The following ABCA13 variants were observed in gnomAD, a reference collection of about 807,000 sequenced individuals.
ABCA13 encodes ATP-binding cassette sub-family A member 13.
A neutral mutation model predicts 478.7 loss-of-function variants in ABCA13; 476 were observed. The observed-to-expected ratio is 0.99, with a 90% confidence interval of 0.92 to 1.07. The LOEUF (loss-of-function observed/expected upper bound fraction) is 1.07. Among genes scored for constraint, ABCA13 ranks in the 50% least tolerant of loss-of-function variants. The probability of loss-of-function intolerance (pLI) is 0.00; values close to 1 mark genes in which losing one functional copy is unlikely to be tolerated. For synonymous variants in ABCA13, 2,252 were observed against 2,158.9 expected, an observed-to-expected ratio of 1.04 and a Z score of -1.20; for missense variants, 6,060 against 5,910.6, an observed-to-expected ratio of 1.03 and a Z score of -0.83.
chr7:48,563,794 T>TTC (rs1786710787), intron 55 of ABCA13, among the ~76,000 whole-genome samples: 1 of 101,638 alleles, frequency 9.8e-6, no homozygotes, highest in African/African-American at 6.7e-5. Flanking sequence ...TGTTTACTGC[T>TTC]TGTGTGTGTG....
chr7:48,483,269 A>G, intron 47 of ABCA13, 106 bp downstream of exon 47: 1 of 968,998 alleles, frequency 1.0e-6, no homozygotes, highest in Non-Finnish European at 1.5e-6. Context: ...GATTAAATCC[A>G]ATCATTTGTT....
At chr7:48,320,866 C>G (rs1460160191) in intron 27 of ABCA13, among the ~76,000 whole-genome samples, 1 of 152,222 alleles carries the variant, frequency 6.6e-6, no homozygotes, top group Non-Finnish European at 1.5e-5. Context: ...TTTGAACTGT[C>G]ACACTCAGTG....
At chr7:48,565,939 C>G (rs1787011142) in intron 55 of ABCA13, among the ~76,000 whole-genome samples, 1 of 152,128 alleles carries the variant, frequency 6.6e-6, no homozygotes, top group Admixed American at 6.6e-5. Flanking sequence ...GATCCAGTCA[C>G]TTGATGAAAG....
chr7:48,519,344 G>A (rs961861497), intron 52 of ABCA13, among the ~76,000 whole-genome samples: 6 of 152,130 alleles, frequency 3.9e-5, no homozygotes, highest in South Asian at 2.1e-4. Flanking sequence ...GGGTCAAATC[G>A]TATTTCTGGT....
chr7:48,578,639 G>A (rs1280129803), intron 55 of ABCA13, among the ~76,000 whole-genome samples: 10 of 152,124 alleles, frequency 6.6e-5, no homozygotes, highest in Non-Finnish European at 2.9e-5. Context: ...CAACCTGAAT[G>A]TTAGGTTTAA....
rs770327277 is a variant in ABCA13, at chr7:48,272,862, AAACAG to A, written c.3197_3201del (p.Lys1066ThrfsTer5). 2 of 1,607,774 alleles carry A rather than the reference AAACAG, an allele frequency of 1.2e-6. No homozygotes were observed. On this transcript the variant is annotated frameshift_variant, in exon 17 of 62. Coordinates refer to ENST00000435803, the MANE Select transcript of ABCA13 (RefSeq NM_152701.5). LOFTEE classifies it high-confidence loss of function. Reference sequence around the variant, plus strand: ...GATCCACACTACTTTGACAGGCCTCAAACAGCTGCTCATAATTGATGAAGATTTTC... The same window carrying A: ...GATCCACACTACTTTGACAGGCCTCACTGCTCATAATTGATGAAGATTTTC...
chr7:48,530,038 A>G (rs1485208104), intron 55 of ABCA13, among the ~76,000 whole-genome samples: 2 of 152,002 alleles, frequency 1.3e-5, no homozygotes, highest in African/African-American at 4.8e-5. Flanking sequence ...ACAGTACCTA[A>G]TTGTGTAGTC....
At chr7:48,414,164 CT>C (rs1429323210) in intron 41 of ABCA13, among the ~76,000 whole-genome samples, 68 of 152,224 alleles carry the variant, frequency 4.5e-4, no homozygotes, top group Non-Finnish European at 8.4e-4. Context: ...TACATCTTTT[CT>C]TGTCTGGCTG....
chr7:48,225,883 GA>G (rs954758861), intron 5 of ABCA13, among the ~76,000 whole-genome samples: 2 of 152,068 alleles, frequency 1.3e-5, no homozygotes, highest in Non-Finnish European at 2.9e-5. Context: ...TTTGGCTGGG[GA>G]TAGATTTTTT....
In ABCA13 at chr7:48,412,448, T is replaced by C; in HGVS notation, c.12324T>C (p.Ser4108=). ...YIPQAFLKDS[S]GSELTYTIPK... ...CACAAGCATTTCTCAAAGACAGCAGTGGAAGTGAGCTGACCTACACCATTC... is the reference window on the plus strand; with the variant it reads ...CACAAGCATTTCTCAAAGACAGCAGCGGAAGTGAGCTGACCTACACCATTC... The change falls in exon 41 of 62, where the codon AGT becomes AGC. Residue 4108 remains serine, a synonymous_variant. Transcript: ENST00000435803. 6.2e-7 allele frequency: 1 copy of C among 1,613,106 alleles called. No individual in the cohort carries two copies. Among genetic ancestry groups the C allele is most frequent in the Non-Finnish European group, 8.5e-7 (1 of 1,179,718 alleles).
chr7:48,489,401 A>G (rs761437230), intron 48 of ABCA13, 57 bp downstream of exon 48: 12 of 1,411,518 alleles, frequency 8.5e-6, no homozygotes, highest in Non-Finnish European at 1.2e-5. Flanking sequence ...ATGTTTTTAA[A>G]AGTGAAAGAA....
At chr7:48,207,815 C>A (rs1785121376) in intron 3 of ABCA13, among the ~76,000 whole-genome samples, 1 of 152,028 alleles carries the variant, frequency 6.6e-6, no homozygotes, top group African/African-American at 2.4e-5. Context: ...TGATGTGATC[C>A]ATTTGTCCAT....
chr7:48,461,800 G>A (rs1450486598), intron 43 of ABCA13, among the ~76,000 whole-genome samples: 1 of 152,166 alleles, frequency 6.6e-6, no homozygotes, highest in African/African-American at 2.4e-5. Flanking sequence ...CAGATGTTGG[G>A]TGAACTCCTC....
intron 45 of ABCA13, among the ~76,000 whole-genome samples, chr7:48,474,393 A>G (rs1015580039): frequency 6.6e-6 from 1 of 152,178 alleles, no homozygotes; most frequent in Admixed American, 6.5e-5. Flanking sequence ...CTCTAATTAG[A>G]TGATTAGATG....
chr7:48,298,605 G>A (rs1562997083), intron 23 of ABCA13, 118 bp downstream of exon 23: 2 of 1,212,190 alleles, frequency 1.6e-6, no homozygotes, highest in Admixed American at 3.1e-5. Context: ...CTAGTGTAGT[G>A]GGTTGCTGCA....
intron 23 of ABCA13, among the ~76,000 whole-genome samples, chr7:48,302,199 A>C (rs987618232): frequency 1.1e-4 from 17 of 152,214 alleles, no homozygotes; most frequent in African/African-American, 4.1e-4. Flanking sequence ...AGTTCTAAGA[A>C]AATTACTGCT....
chr7:48,372,528 A>AC lies in ABCA13; in HGVS notation c.11133+31_11133+32insC, dbSNP rs769819435. The AC allele has an allele frequency of 2.5e-5, 37 of 1,495,102 alleles. No homozygotes were observed. In the African/African-American group the frequency reaches 4.8e-4, roughly 19 times the overall value. The allele number at this position is 1,495,102 out of a possible 1,614,324, so 92.6% of individuals were successfully genotyped here. ...TAAGTTGTTTTGTAAAAAAAAAAAA[A>AC]AAAAACAACAAAATTGCAATCTATC... On this transcript the variant is annotated intron_variant, in intron 33 of 61. Transcript: ENST00000435803.
At position 48,516,725 on chromosome 7, in the gene ABCA13, A is replaced by G. The variant is rs770561753; in HGVS notation, c.13641A>G (p.Gly4547=). 1.2e-6 allele frequency: 2 copies of G among 1,613,292 alleles called. No homozygotes were observed. The highest frequency in any genetic ancestry group is 1.7e-5 in the Admixed American group (1 of 59,952). ...AATALLLSLF[G]YATLPWMYLM... is the part of the protein sequence containing the mutation. ...CATTACTTTTCACTTTACTTTTCAG[A>G]TATGCAACTCTTCCATGGATGTACC... Residue 4547 remains glycine, a splice_region_variant and synonymous_variant, in exon 52 of 62, where the codon GGA becomes GGG. Transcript: ENST00000435803.
chr7:48,346,110 G>A (rs767460013), intron 29 of ABCA13, among the ~76,000 whole-genome samples: 4 of 152,108 alleles, frequency 2.6e-5, no homozygotes, highest in South Asian at 2.1e-4. Flanking sequence ...GATTGTGTAA[G>A]TCCACTCTGT....
Sources: allele counts gnomAD v4.1 joint callset (sites outside exome capture counted in the v4.1 genomes callset), GRCh38; gene constraint gnomAD v4.1.1; transcripts MANE v1.5; gene names NCBI Gene and HGNC (gene_info 2026-07-23, HGNC 2026-07-21).